Variants in PLA2G4A observed in about 807,000 individuals in gnomAD.
PLA2G4A encodes the protein phospholipase A2 group IVA, also known as cytosolic phospholipase A2.
In PLA2G4A, 40 loss-of-function variants were observed where a neutral mutation model predicts 81.9. The observed-to-expected ratio is 0.49, with a 90% CI of 0.38 to 0.64. PLA2G4A has a LOEUF of 0.64. Ranked by LOEUF, PLA2G4A falls within the 30% of genes least tolerant of loss-of-function variation. PLA2G4A has a pLI of 0.00. For missense variants in PLA2G4A, 715 were observed against 905.1 expected (o/e 0.79, Z 2.69); for synonymous variants, 302 against 296.9 (o/e 1.02, Z -0.18).
intron 3 of PLA2G4A, among the ~76,000 whole-genome samples, chr1:186,872,233 A>G (rs980028975): frequency 1.3e-5 from 2 of 152,078 alleles, no homozygotes; most frequent in African/African-American, 2.4e-5. Context: ...TGCTTTTTAC[A>G]GTTCTTTTCA....
intron 4 of PLA2G4A, 83 bp downstream of exon 4, chr1:186,893,242 TG>T: frequency 8.5e-7 from 1 of 1,180,300 alleles, no homozygotes; most frequent in Non-Finnish European, 1.3e-6. Flanking sequence ...ACTGCCTTTT[TG>T]TTCCTGTTAG....
rs780456554 is a variant in PLA2G4A, at chr1:186,988,509, T to C, written c.*1T>C. On this transcript the variant is annotated 3_prime_UTR_variant, in exon 18 of 18. Coordinates refer to ENST00000367466, the MANE Select transcript of PLA2G4A (RefSeq NM_024420.3). ...GTTTCTAAGTAAACCCAAAGCATAG[T>C]TCATGTACTGGAAATGGCAGCAGTT... 12 of 1,611,006 alleles carry C rather than the reference T, an allele frequency of 7.4e-6. No individual in the cohort carries two copies. Among genetic ancestry groups the C allele is most frequent in the East Asian group, 2.2e-5 (1 of 44,654 alleles).
At chr1:186,941,250 A>G (rs748149594) in intron 10 of PLA2G4A, among the ~76,000 whole-genome samples, 9 of 152,138 alleles carry the variant, frequency 5.9e-5, no homozygotes, top group Admixed American at 1.3e-4. Flanking sequence ...CAGTGACTTC[A>G]GACACCCCAT....
At chr1:186,973,279 T>C (rs1459096045) in intron 15 of PLA2G4A, among the ~76,000 whole-genome samples, 1 of 152,208 alleles carries the variant, frequency 6.6e-6, no homozygotes, top group East Asian at 1.9e-4. Flanking sequence ...GTTCCAGGCA[T>C]TGCTCGCCTT....
chr1:186,854,388 G>T lies in PLA2G4A; in HGVS notation c.33+1G>T. On this transcript the variant is annotated splice_donor_variant, in intron 2 of 17. Transcript: ENST00000367466. LOFTEE classifies it high-confidence loss of function. ...TATAGATCCTTACCAGCACATTATA[G>T]TAAGTCATTCACTGTTTATGAATTC... 6.4e-7 allele frequency: 1 copy of T among 1,557,068 alleles called. No homozygotes were observed.
chr1:186,918,217 C>G (rs901847686), intron 7 of PLA2G4A, among the ~76,000 whole-genome samples: 1 of 152,118 alleles, frequency 6.6e-6, no homozygotes, highest in Admixed American at 6.5e-5. Flanking sequence ...TGAATCAGGT[C>G]GAGAGTTTCT....
intron 3 of PLA2G4A, among the ~76,000 whole-genome samples, chr1:186,877,235 G>C (rs1464876572): frequency 1.3e-5 from 2 of 151,996 alleles, no homozygotes; most frequent in Non-Finnish European, 2.9e-5. Flanking sequence ...TACTTCTCCT[G>C]TCTCTGCCTT....
intron 1 of PLA2G4A, among the ~76,000 whole-genome samples, chr1:186,832,687 G>A (rs1651637289): frequency 6.6e-6 from 1 of 152,104 alleles, no homozygotes; most frequent in African/African-American, 2.4e-5. Flanking sequence ...GTCTATGTTT[G>A]TGAATTGTCT....
intron 14 of PLA2G4A, among the ~76,000 whole-genome samples, chr1:186,957,690 G>T (rs1204484887): frequency 6.6e-6 from 1 of 152,196 alleles, no homozygotes; most frequent in African/African-American, 2.4e-5. Context: ...TCTTAAAACT[G>T]CCCAGCAAGA....
rs190688830 is a variant in PLA2G4A, at chr1:186,866,411, A to G, written c.34-4024A>G. ...AGTAAAAGTTCACCATTTACTATCTATGAGTAACTGGGAAATTACTGAGCC... is the reference window on the plus strand; with the variant it reads ...AGTAAAAGTTCACCATTTACTATCTGTGAGTAACTGGGAAATTACTGAGCC... On this transcript the variant is annotated intron_variant, in intron 2 of 17. Transcript: ENST00000367466. Among the ~76,000 whole-genome samples, 542 of 152,248 alleles carry G rather than the reference A, an allele frequency of 3.6e-3. 4 individuals carry two copies. The highest frequency in any genetic ancestry group is 0.012 in the African/African-American group (508 of 41,564).
chr1:186,965,906 G>T (rs1007669097), intron 15 of PLA2G4A, among the ~76,000 whole-genome samples: 2 of 152,120 alleles, frequency 1.3e-5, no homozygotes, highest in Non-Finnish European at 2.9e-5. Context: ...ACCATGAATG[G>T]AGAGGGTACA....
At chr1:186,845,393 A>T (rs1456288314) in intron 1 of PLA2G4A, among the ~76,000 whole-genome samples, 1 of 151,832 alleles carries the variant, frequency 6.6e-6, no homozygotes. Flanking sequence ...TTCTTATTTC[A>T]TCCTCCCACT....
intron 7 of PLA2G4A, among the ~76,000 whole-genome samples, chr1:186,917,358 C>G (rs1374106269): frequency 3.3e-5 from 5 of 152,110 alleles, no homozygotes; most frequent in Non-Finnish European, 7.4e-5. Context: ...TAGGAGGAGG[C>G]CTATGATACA....
chr1:186,864,640 A>T (rs1197723140), intron 2 of PLA2G4A, among the ~76,000 whole-genome samples: 1 of 138,776 alleles, frequency 7.2e-6, no homozygotes, highest in Non-Finnish European at 1.6e-5. Flanking sequence ...TTGTTTTAAA[A>T]ATCAGATTAT....
intron 5 of PLA2G4A, among the ~76,000 whole-genome samples, chr1:186,900,615 A>C (rs920604708): frequency 5.3e-5 from 8 of 152,196 alleles, no homozygotes; most frequent in Admixed American, 3.3e-4. Context: ...GTTTGGGGTT[A>C]TAGTGGCCCA....
At chr1:186,876,370 G>T (rs990924311) in intron 3 of PLA2G4A, among the ~76,000 whole-genome samples, 17 of 152,018 alleles carry the variant, frequency 1.1e-4, no homozygotes, top group Non-Finnish European at 2.2e-4. Context: ...TAAGGGTGTG[G>T]ATAGTCTCTA....
At chr1:186,952,742 T>C (rs1320970429) in intron 13 of PLA2G4A, among the ~76,000 whole-genome samples, 1 of 110,198 alleles carries the variant, frequency 9.1e-6, no homozygotes, top group Non-Finnish European at 1.7e-5. Context: ...TAACAAGCAC[T>C]AATCATTTTA....
intron 3 of PLA2G4A, among the ~76,000 whole-genome samples, chr1:186,889,102 A>G (rs1377841066): frequency 6.6e-6 from 1 of 152,104 alleles, no homozygotes; most frequent in African/African-American, 2.4e-5. Flanking sequence ...AAAATGTGAT[A>G]ATGTTACCCT....
At chr1:186,886,369 T>G (rs1653938572) in intron 3 of PLA2G4A, among the ~76,000 whole-genome samples, 1 of 152,130 alleles carries the variant, frequency 6.6e-6, no homozygotes, top group African/African-American at 2.4e-5. Flanking sequence ...CTGGGTCTAT[T>G]GGTTACACAG....
Sources: allele counts gnomAD v4.1 joint callset (sites outside exome capture counted in the v4.1 genomes callset), GRCh38; gene constraint gnomAD v4.1.1; transcripts MANE v1.5; gene names NCBI Gene and HGNC (gene_info 2026-07-23, HGNC 2026-07-21).